The following CTXND1 variants were observed in gnomAD, a reference collection of about 807,000 sequenced individuals.
CTXND1 encodes the protein cortexin domain containing 1.
chr15:80,247,698 A>G (rs1235869011), intron 1 of CTXND1, among the ~76,000 whole-genome samples: 1 of 152,180 alleles, frequency 6.6e-6, no homozygotes, highest in Non-Finnish European at 1.5e-5. Flanking sequence ...CATATTGATT[A>G]ACAATAATTT....
chr15:80,251,691 C>T (rs1452303122), intron 1 of CTXND1, among the ~76,000 whole-genome samples: 2 of 152,190 alleles, frequency 1.3e-5, no homozygotes, highest in Non-Finnish European at 2.9e-5. Flanking sequence ...GAGCCCCGAG[C>T]CCCGCAGTGG....
intron 1 of CTXND1, among the ~76,000 whole-genome samples, chr15:80,215,871 A>G (rs748213801): frequency 3.0e-4 from 45 of 152,290 alleles, no homozygotes; most frequent in Middle Eastern, 3.4e-3. Context: ...GGGCTACTGA[A>G]GCCGATTTCT....
chr15:80,205,903 C>T (rs1458566006), intron 1 of CTXND1, among the ~76,000 whole-genome samples: 1 of 151,902 alleles, frequency 6.6e-6, no homozygotes, highest in East Asian at 1.9e-4. Flanking sequence ...AGACCAAACC[C>T]CTGGTGTTTC....
rs1893266035 is a variant in CTXND1, at chr15:80,217,521, C to CTTATTTATTTAAT, written c.-217-13782_-217-13781insATTAAATAAATAA. ...TGTGTCTGTGCTCTCCAATAGCTTG[C>CTTATTTATTTAAT]TTATTTATTTATTTATTTATTTATT... is the stretch of plus-strand genomic sequence containing the variant. On this transcript the variant is annotated intron_variant, in intron 1 of 2. Coordinates refer to ENST00000560778, the MANE Select transcript of CTXND1 (RefSeq NM_001352888.2). Among the ~76,000 whole-genome samples the CTTATTTATTTAAT allele has an allele frequency of 2.8e-5, 4 of 143,682 alleles. No homozygotes were observed. The East Asian group carries it at 8.2e-4, about 29-fold the overall frequency. The allele number at this position is 143,682 out of a possible 152,430, so 94.3% of individuals were successfully genotyped here. A position where few individuals can be genotyped will look rare whatever the true frequency, so the allele number is the denominator to read the frequency against.
intron 1 of CTXND1, among the ~76,000 whole-genome samples, chr15:80,229,161 C>T (rs1366958626): frequency 6.6e-6 from 1 of 152,168 alleles, no homozygotes; most frequent in Non-Finnish European, 1.5e-5. Flanking sequence ...ATCCTGCCAC[C>T]TGATATCCCC....
chr15:80,225,434 T>TC (rs35674083), intron 1 of CTXND1, among the ~76,000 whole-genome samples: 11,712 of 152,206 alleles, frequency 0.077, 536 homozygotes, highest in Middle Eastern at 0.11. Context: ...TCCCCTTTTT[T>TC]CCCCACCATT....
chr15:80,222,648 T>G (rs1748072149), intron 1 of CTXND1, among the ~76,000 whole-genome samples: 1 of 152,182 alleles, frequency 6.6e-6, no homozygotes, highest in African/African-American at 2.4e-5. Context: ...AATAGGAACG[T>G]TTTTGAAATG....
chr15:80,240,336 G>T (rs1421456686), intron 1 of CTXND1, among the ~76,000 whole-genome samples: 1 of 152,142 alleles, frequency 6.6e-6, no homozygotes, highest in Non-Finnish European at 1.5e-5. Context: ...ATTTGCCCCT[G>T]TCCCTCATCT....
intron 1 of CTXND1, among the ~76,000 whole-genome samples, chr15:80,247,136 T>G (rs1303407709): frequency 6.6e-6 from 1 of 152,072 alleles, no homozygotes; most frequent in East Asian, 1.9e-4. Context: ...TGAAGACAGG[T>G]CAGGTGAATT....
chr15:80,228,327 G>A (rs116123969), intron 1 of CTXND1, among the ~76,000 whole-genome samples: 3,914 of 152,250 alleles, frequency 0.026, 161 homozygotes, highest in African/African-American at 0.089. Flanking sequence ...GTTCTTAATG[G>A]CATCTAGAAT....
At chr15:80,242,152 T>G (rs1467753791) in intron 1 of CTXND1, among the ~76,000 whole-genome samples, 2 of 152,214 alleles carry the variant, frequency 1.3e-5, no homozygotes, top group Non-Finnish European at 2.9e-5. Flanking sequence ...ACAGAGAGGC[T>G]GCACTTTGAC....
At chr15:80,226,730 T>C (rs1312300757) in intron 1 of CTXND1, among the ~76,000 whole-genome samples, 1 of 152,218 alleles carries the variant, frequency 6.6e-6, no homozygotes, top group Non-Finnish European at 1.5e-5. Flanking sequence ...ACCTTTGACA[T>C]GAGAGTCAAG....
intron 1 of CTXND1, among the ~76,000 whole-genome samples, chr15:80,226,519 A>G (rs1453189607): frequency 6.6e-6 from 1 of 152,172 alleles, no homozygotes; most frequent in East Asian, 1.9e-4. Context: ...TGCCTCATTT[A>G]GGAGTCAGTC....
At chr15:80,204,285 C>G (rs1893124029) in intron 1 of CTXND1, among the ~76,000 whole-genome samples, 1 of 145,704 alleles carries the variant, frequency 6.9e-6, no homozygotes, top group South Asian at 2.2e-4. Context: ...ATAAAATCTA[C>G]CATCTTGACC....
rs184690250 is a variant in CTXND1 at position 80,235,369 on chromosome 15, T to A, written c.-218+16638A>T. 3.3e-3 allele frequency among the ~76,000 whole-genome samples: 505 copies of A among 152,260 alleles called. 2 individuals carry two copies. Among genetic ancestry groups the A allele is most frequent in the Non-Finnish European group, 5.4e-3 (369 of 68,006 alleles). On this transcript the variant is annotated intron_variant, in intron 1 of 2. Coordinates refer to ENST00000560778, the MANE Select transcript of CTXND1 (RefSeq NM_001352888.2). ...AGATGCAGGTCAAGTGCCCTCCCAA[T>A]GCAAGGGCCGAGGTGCACACGTGGC...
intron 1 of CTXND1, among the ~76,000 whole-genome samples, chr15:80,251,444 T>A (rs910895169): frequency 1.3e-5 from 2 of 152,160 alleles, no homozygotes; most frequent in South Asian, 2.1e-4. Flanking sequence ...AGAAGTTACA[T>A]CCGTGCTGAC....
chr15:80,237,924 G>A (rs953406079), intron 1 of CTXND1, among the ~76,000 whole-genome samples: 2 of 139,944 alleles, frequency 1.4e-5, no homozygotes, highest in Non-Finnish European at 3.0e-5. Flanking sequence ...CAGGTGAATC[G>A]CCTGAACCCA....
At chr15:80,243,369 T>C (rs1893591953) in intron 1 of CTXND1, among the ~76,000 whole-genome samples, 1 of 152,188 alleles carries the variant, frequency 6.6e-6, no homozygotes, top group Non-Finnish European at 1.5e-5. Flanking sequence ...CCTTTGCCAG[T>C]TGTCACCTTA....
At chr15:80,206,730 AT>A (rs1381024389) in intron 1 of CTXND1, among the ~76,000 whole-genome samples, 15 of 152,168 alleles carry the variant, frequency 9.9e-5, no homozygotes. Context: ...TAGGGAGCTT[AT>A]TTTAACTTTC....
Sources: allele counts gnomAD v4.1 joint callset (sites outside exome capture counted in the v4.1 genomes callset), GRCh38; gene constraint gnomAD v4.1.1; transcripts MANE v1.5; gene names NCBI Gene and HGNC (gene_info 2026-07-23, HGNC 2026-07-21).